Variants in FAM171A1 observed in about 807,000 individuals in gnomAD.
FAM171A1 encodes the protein family with sequence similarity 171 member A1.
Under a neutral mutation model 74.9 loss-of-function variants are expected in FAM171A1, and 23 were observed. That is an observed-to-expected ratio of 0.31 (90% CI 0.22 to 0.44). The LOEUF is 0.44. Ranked by LOEUF, FAM171A1 falls within the 20% of genes least tolerant of loss-of-function variation. The pLI, the probability that FAM171A1 is intolerant of heterozygous loss-of-function variation, is 1.00. For synonymous variants in FAM171A1, 527 were observed against 505.7 expected (o/e 1.04, Z -0.57); for missense variants, 1,162 against 1,159.2 (o/e 1.00, Z -0.03).
chr10:15,276,844 C>T (rs1414408035), intron 2 of FAM171A1, among the ~76,000 whole-genome samples: 1 of 152,008 alleles, frequency 6.6e-6, no homozygotes, highest in African/African-American at 2.4e-5. Flanking sequence ...ACCACTGCAC[C>T]CAGCTAATTT....
chr10:15,365,126 G>C (rs1486980374), intron 1 of FAM171A1, among the ~76,000 whole-genome samples: 2 of 152,144 alleles, frequency 1.3e-5, no homozygotes, highest in Admixed American at 6.6e-5. Context: ...CTCATCTCCA[G>C]AACAAGGAAC....
intron 1 of FAM171A1, among the ~76,000 whole-genome samples, chr10:15,301,473 G>A (rs1198743192): frequency 6.6e-6 from 1 of 151,990 alleles, no homozygotes; most frequent in African/African-American, 2.4e-5. Context: ...AAAGTGCTGG[G>A]ATTACAGGCA....
At chr10:15,297,561 TAAC>T (rs901049309) in intron 1 of FAM171A1, among the ~76,000 whole-genome samples, 1 of 152,122 alleles carries the variant, frequency 6.6e-6, no homozygotes, top group African/African-American at 2.4e-5. Flanking sequence ...TAACAACACT[TAAC>T]AACCAACAGC....
chr10:15,218,629 C>T (rs1431091626), intron 6 of FAM171A1, among the ~76,000 whole-genome samples: 1 of 152,124 alleles, frequency 6.6e-6, no homozygotes, highest in Non-Finnish European at 1.5e-5. Flanking sequence ...GGGTCTCACT[C>T]TGTCACCTAC....
chr10:15,303,367 A>G (rs568742040), intron 1 of FAM171A1, among the ~76,000 whole-genome samples: 2 of 152,218 alleles, frequency 1.3e-5, no homozygotes, highest in African/African-American at 2.4e-5. Context: ...TGAACAGCGC[A>G]GCACCGTTCC....
At chr10:15,237,569 C>A (rs1834308713) in intron 5 of FAM171A1, 1 of 152,132 alleles carries the variant, frequency 6.6e-6, no homozygotes, top group Non-Finnish European at 1.5e-5. Context: ...AGGAGTGGTA[C>A]AGAGCCACTG....
chr10:15,255,717 T>C (rs1027873757), intron 3 of FAM171A1, among the ~76,000 whole-genome samples: 22 of 151,784 alleles, frequency 1.4e-4, no homozygotes, highest in African/African-American at 4.4e-4. Flanking sequence ...CGGTGTGATC[T>C]CAACTCCCTG....
chr10:15,235,108 G>C (rs1834267429), intron 5 of FAM171A1, among the ~76,000 whole-genome samples: 1 of 152,090 alleles, frequency 6.6e-6, no homozygotes, highest in Admixed American at 6.5e-5. Context: ...ACAGGAGTTT[G>C]AGATCGGCCT....
chr10:15,243,908 A>C (rs1588508440), intron 5 of FAM171A1, among the ~76,000 whole-genome samples: 1 of 152,008 alleles, frequency 6.6e-6, no homozygotes, highest in East Asian at 1.9e-4. Context: ...CCGCCACCAC[A>C]CCCGGCTAAT....
intron 3 of FAM171A1, 61 bp downstream of exon 3, chr10:15,275,794 T>G: frequency 9.0e-7 from 1 of 1,105,058 alleles, no homozygotes; most frequent in South Asian, 1.4e-5. Flanking sequence ...ACACCATAAA[T>G]GTATACAATA....
chr10:15,243,997 A>C (rs986522112), intron 5 of FAM171A1, among the ~76,000 whole-genome samples: 1 of 152,106 alleles, frequency 6.6e-6, no homozygotes, highest in Non-Finnish European at 1.5e-5. Flanking sequence ...TGATCTGCCC[A>C]CCTTGGCCTC....
At chr10:15,215,968 A>G in intron 7 of FAM171A1, 28 bp downstream of exon 7, 1 of 1,464,274 alleles carries the variant, frequency 6.8e-7, no homozygotes, top group Non-Finnish European at 9.3e-7. Context: ...GAATTAAAAA[A>G]GATATTGCCA....
chr10:15,298,084 A>G (rs1466098837), intron 1 of FAM171A1, among the ~76,000 whole-genome samples: 3 of 152,032 alleles, frequency 2.0e-5, no homozygotes, highest in Non-Finnish European at 4.4e-5. Flanking sequence ...AAGTTATCTC[A>G]TGAGATATAC....
chr10:15,280,487 G>T (rs993066593), intron 2 of FAM171A1, among the ~76,000 whole-genome samples: 15 of 152,096 alleles, frequency 9.9e-5, no homozygotes, highest in African/African-American at 3.1e-4. Context: ...TTAGTGGATG[G>T]ACTGCATCTC....
chr10:15,244,005 C>A (rs1834398634), intron 5 of FAM171A1, among the ~76,000 whole-genome samples: 1 of 152,180 alleles, frequency 6.6e-6, no homozygotes. Flanking sequence ...CCACCTTGGC[C>A]TCCCAAAGTG....
chr10:15,234,566 C>A (rs1299668005), intron 5 of FAM171A1, among the ~76,000 whole-genome samples: 3 of 152,032 alleles, frequency 2.0e-5, no homozygotes, highest in African/African-American at 7.3e-5. Context: ...CTCTAGTAGC[C>A]CATGAGCAGT....
intron 5 of FAM171A1, among the ~76,000 whole-genome samples, chr10:15,243,214 G>A (rs543490453): frequency 6.6e-6 from 1 of 152,116 alleles, no homozygotes; most frequent in South Asian, 2.1e-4. Flanking sequence ...GCTCCGGCCT[G>A]CGCTCCCATC....
intron 2 of FAM171A1, among the ~76,000 whole-genome samples, chr10:15,279,544 G>A (rs995427832): frequency 6.6e-6 from 1 of 152,004 alleles, no homozygotes; most frequent in African/African-American, 2.4e-5. Flanking sequence ...TACCTAGAGG[G>A]AAAGGAACAT....
At chr10:15,308,100 G>A (rs1426914085) in intron 1 of FAM171A1, among the ~76,000 whole-genome samples, 2 of 152,158 alleles carry the variant, frequency 1.3e-5, no homozygotes, top group African/African-American at 2.4e-5. Flanking sequence ...GAGCTACCAG[G>A]CCCAGAAAAA....
Sources: allele counts gnomAD v4.1 joint callset (sites outside exome capture counted in the v4.1 genomes callset), GRCh38; gene constraint gnomAD v4.1.1; transcripts MANE v1.5; gene names NCBI Gene and HGNC (gene_info 2026-07-23, HGNC 2026-07-21).